CEP128: variants seen among roughly 807,000 people sequenced by gnomAD.
The protein encoded by CEP128 is centrosomal protein 128kDa.
In CEP128, 132 loss-of-function variants were observed where a neutral mutation model predicts 156.7. The observed-to-expected ratio is 0.84, with a 90% CI of 0.73 to 0.97. The LOEUF is 0.97. Among genes scored for constraint, CEP128 ranks in the 50% least tolerant of loss-of-function variants. The probability of loss-of-function intolerance (pLI) is 0.00; values close to 1 mark genes in which losing one functional copy is unlikely to be tolerated. For missense variants in CEP128, 1,252 were observed against 1,281.9 expected (o/e 0.98, Z 0.36); for synonymous variants, 469 against 448.9 (o/e 1.04, Z -0.57).
At chr14:80,547,150 G>A (rs1435729732) in intron 21 of CEP128, among the ~76,000 whole-genome samples, 2 of 152,016 alleles carry the variant, frequency 1.3e-5, no homozygotes, top group Non-Finnish European at 2.9e-5. Flanking sequence ...TGCAATCTAG[G>A]GGCAGGCCAA....
intron 4 of CEP128, among the ~76,000 whole-genome samples, chr14:80,909,863 T>C (rs1225374848): frequency 6.6e-6 from 1 of 152,164 alleles, no homozygotes; most frequent in African/African-American, 2.4e-5. Flanking sequence ...TTTTGGATTA[T>C]AACATCTTAC....
chr14:80,605,241 G>A (rs1892730845), intron 19 of CEP128, among the ~76,000 whole-genome samples: 2 of 152,046 alleles, frequency 1.3e-5, no homozygotes, highest in Admixed American at 1.3e-4. Flanking sequence ...GTCTCTAAGT[G>A]TTAGTTGTTG....
intron 20 of CEP128, among the ~76,000 whole-genome samples, chr14:80,562,108 A>G (rs1411170234): frequency 6.6e-6 from 1 of 151,258 alleles, no homozygotes; most frequent in African/African-American, 2.4e-5. Flanking sequence ...TTTTATTTTT[A>G]GTAGAGACGG....
At chr14:80,870,210 A>G (rs1887958585) in intron 8 of CEP128, among the ~76,000 whole-genome samples, 3 of 152,088 alleles carry the variant, frequency 2.0e-5, no homozygotes, top group African/African-American at 4.8e-5. Flanking sequence ...AGCTCTTCCA[A>G]AAAACTGAAG....
intron 19 of CEP128, among the ~76,000 whole-genome samples, chr14:80,612,364 C>A (rs1290360144): frequency 1.3e-5 from 2 of 152,132 alleles, no homozygotes; most frequent in East Asian, 1.9e-4. Context: ...GATTCTAATT[C>A]TATTCTAATA....
At chr14:80,888,408 A>G (rs2139357264) in intron 8 of CEP128, among the ~76,000 whole-genome samples, 1 of 152,366 alleles carries the variant, frequency 6.6e-6, no homozygotes, top group South Asian at 2.1e-4. Context: ...CAAACCCAGC[A>G]GCACATCAAA....
intron 19 of CEP128, among the ~76,000 whole-genome samples, chr14:80,668,861 A>C (rs927935250): frequency 6.6e-6 from 1 of 152,178 alleles, no homozygotes; most frequent in African/African-American, 2.4e-5. Flanking sequence ...ATGATAATGA[A>C]TAAGTCTCAC....
chr14:80,636,759 C>A (rs149929506), intron 19 of CEP128, among the ~76,000 whole-genome samples: 1 of 152,232 alleles, frequency 6.6e-6, no homozygotes, highest in East Asian at 1.9e-4. Flanking sequence ...TTTTTCCCCC[C>A]AACTCTTCTC....
At chr14:80,743,412 A>G (rs1261419723) in intron 18 of CEP128, 145 bp from the exon 19 acceptor site, 1 of 622,958 alleles carries the variant, frequency 1.6e-6, no homozygotes, top group Non-Finnish European at 2.8e-6. Flanking sequence ...ATCCATGTTT[A>G]ATTTGCATAA....
At chr14:80,638,980 G>T (rs1894302526) in intron 19 of CEP128, among the ~76,000 whole-genome samples, 1 of 152,128 alleles carries the variant, frequency 6.6e-6, no homozygotes, top group African/African-American at 2.4e-5. Context: ...AAGTTGAGAT[G>T]AGAAGAATAA....
chr14:80,544,437 C>T (rs1180508264), intron 21 of CEP128, among the ~76,000 whole-genome samples: 1 of 152,118 alleles, frequency 6.6e-6, no homozygotes, highest in Admixed American at 6.5e-5. Flanking sequence ...ATGTAGACAG[C>T]CCCCTTTTTG....
At chr14:80,843,073 A>G (rs1022374056) in intron 9 of CEP128, among the ~76,000 whole-genome samples, 1 of 151,962 alleles carries the variant, frequency 6.6e-6, no homozygotes, top group Admixed American at 6.6e-5. Context: ...CTTTTCAGAG[A>G]GTAGTAAAAA....
chr14:80,877,504 A>G (rs1246175777), intron 8 of CEP128, among the ~76,000 whole-genome samples: 2 of 152,228 alleles, frequency 1.3e-5, no homozygotes, highest in Non-Finnish European at 2.9e-5. Flanking sequence ...CTGGCCAACT[A>G]AAAGCTCCTA....
intron 8 of CEP128, among the ~76,000 whole-genome samples, chr14:80,878,825 C>T (rs1888400020): frequency 6.6e-6 from 1 of 152,160 alleles, no homozygotes; most frequent in Non-Finnish European, 1.5e-5. Flanking sequence ...CTACAAGTTT[C>T]AGAAGACAAT....
chr14:80,600,046 C>CT (rs1461770674), intron 19 of CEP128, among the ~76,000 whole-genome samples: 1 of 152,096 alleles, frequency 6.6e-6, no homozygotes, highest in Non-Finnish European at 1.5e-5. Flanking sequence ...CAGATTCATT[C>CT]TTTTTTGTCA....
chr14:80,807,331 A>G (rs1198362441), intron 13 of CEP128, among the ~76,000 whole-genome samples: 3 of 152,230 alleles, frequency 2.0e-5, no homozygotes, highest in Non-Finnish European at 4.4e-5. Context: ...ATTAACTATT[A>G]AAGTTAAAAA....
In CEP128 at chr14:80,761,470, T is replaced by C; in HGVS notation, c.2520A>G (p.Lys840=). 6.2e-7 allele frequency: 1 copy of C among 1,611,668 alleles called. No individual in the cohort carries two copies. The highest frequency in any genetic ancestry group is 8.5e-7 in the Non-Finnish European group (1 of 1,178,446). ...TCTCCACTGAGTCCTTGGAGAATGT[T>C]TTACAAGCTGCATCAATTTCCTTTC... ...VIGKEIDAAC[K]TFSKDSVEKL... Residue 840 remains lysine (K), a synonymous_variant, in exon 17 of 25, where the codon AAA becomes AAG. Coordinates refer to ENST00000555265, the MANE Select transcript of CEP128 (RefSeq NM_152446.5).
chr14:80,889,824 T>C (rs563357737), intron 8 of CEP128, among the ~76,000 whole-genome samples: 1 of 152,232 alleles, frequency 6.6e-6, no homozygotes, highest in Admixed American at 6.5e-5. Flanking sequence ...GAAGTTATCA[T>C]CAGAGTGAAC....
chr14:80,680,404 G>A (rs1015176710), intron 19 of CEP128, among the ~76,000 whole-genome samples: 8 of 152,096 alleles, frequency 5.3e-5, no homozygotes, highest in South Asian at 2.1e-4. Context: ...TGGTGAGCAC[G>A]GCCCTCTGCG....
Sources: gnomAD v4.1 joint callset for allele counts (sites outside exome capture counted in the v4.1 genomes callset) on GRCh38, gnomAD v4.1.1 for gene constraint, MANE v1.5 for transcripts, NCBI Gene and HGNC (gene_info 2026-07-23, HGNC 2026-07-21) for gene names.